MYO16: variants seen among roughly 807,000 people sequenced by gnomAD.
MYO16 encodes unconventional myosin-XVI.
MYO16 carries 94 observed loss-of-function variants against 205.3 expected under a neutral mutation model. That is an observed-to-expected ratio of 0.46 (90% CI 0.39 to 0.54). The LOEUF (loss-of-function observed/expected upper bound fraction) is 0.54, where lower values mean the gene tolerates loss of function less well. MYO16 is among the 20% of genes least tolerant of loss of function. MYO16 has a pLI of 0.00. For synonymous variants in MYO16, 988 were observed against 954.0 expected (o/e 1.04, Z -0.66); for missense variants, 2,315 against 2,387.5 (o/e 0.97, Z 0.63).
the MYO16 span, among the ~76,000 whole-genome samples, chr13:108,521,575 A>G: frequency 1.5e-4 from 23 of 152,220 alleles, no homozygotes; most frequent in African/African-American, 5.5e-4. Flanking sequence ...GTGCCTGCAT[A>G]CTACTTACTG....
intron 27 of MYO16, among the ~76,000 whole-genome samples, chr13:109,092,760 G>C (rs1888661379): frequency 6.6e-6 from 1 of 152,188 alleles, no homozygotes; most frequent in African/African-American, 2.4e-5. Flanking sequence ...TCTGAATCCT[G>C]TGGTGACTGC....
intron 12 of MYO16, among the ~76,000 whole-genome samples, chr13:108,877,245 C>T (rs1167703891): frequency 6.6e-6 from 1 of 152,154 alleles, no homozygotes; most frequent in Non-Finnish European, 1.5e-5. Flanking sequence ...GAACATGAAT[C>T]TTCAAATTTA....
At chr13:108,815,183 C>T (rs902581095) in intron 7 of MYO16, among the ~76,000 whole-genome samples, 2 of 152,128 alleles carry the variant, frequency 1.3e-5, no homozygotes, top group African/African-American at 2.4e-5. Flanking sequence ...AAGCCACACT[C>T]ATTGATATGC....
chr13:108,581,525 T>G, the MYO16 span, among the ~76,000 whole-genome samples: 5 of 152,102 alleles, frequency 3.3e-5, no homozygotes, highest in African/African-American at 1.2e-4. Context: ...TTCTCTTCAT[T>G]GTGGTTCCAT....
At chr13:109,065,160 C>T (rs1385198147) in intron 27 of MYO16, among the ~76,000 whole-genome samples, 1 of 152,190 alleles carries the variant, frequency 6.6e-6, no homozygotes, top group Non-Finnish European at 1.5e-5. Context: ...TTTTTACCCA[C>T]TGGGTCAAGT....
intron 34 of MYO16, among the ~76,000 whole-genome samples, chr13:109,185,502 G>T (rs1404944570): frequency 6.6e-6 from 1 of 152,124 alleles, no homozygotes; most frequent in Non-Finnish European, 1.5e-5. Context: ...CATTGTAGAT[G>T]CTATCCAAAA....
At chr13:108,903,406 G>A (rs1239705551) in intron 15 of MYO16, among the ~76,000 whole-genome samples, 1 of 152,020 alleles carries the variant, frequency 6.6e-6, no homozygotes, top group African/African-American at 2.4e-5. Flanking sequence ...GTCCACTGGG[G>A]ATCTTAGAAT....
At chr13:109,091,559 C>A (rs1888623974) in intron 27 of MYO16, among the ~76,000 whole-genome samples, 1 of 152,182 alleles carries the variant, frequency 6.6e-6, no homozygotes, top group African/African-American at 2.4e-5. Flanking sequence ...AATCCCACAG[C>A]CACCTCAGTG....
At chr13:108,968,930 C>A (rs758302917) in intron 20 of MYO16, among the ~76,000 whole-genome samples, 1 of 152,164 alleles carries the variant, frequency 6.6e-6, no homozygotes, top group Non-Finnish European at 1.5e-5. Flanking sequence ...CTTCCAGAAG[C>A]CAAGAGACTT....
At chr13:109,029,197 C>T (rs1886474266) in intron 23 of MYO16, among the ~76,000 whole-genome samples, 1 of 141,780 alleles carries the variant, frequency 7.1e-6, no homozygotes, top group Non-Finnish European at 1.5e-5. Flanking sequence ...TCACTGCAAC[C>T]TCCGCCTCCC....
At chr13:109,063,454 A>G (rs768505057) in intron 27 of MYO16, among the ~76,000 whole-genome samples, 3 of 152,184 alleles carry the variant, frequency 2.0e-5, no homozygotes, top group Non-Finnish European at 4.4e-5. Context: ...TGGATTGCCT[A>G]CAGCTGTGGA....
At chr13:108,992,110 C>T (rs9514952) in intron 20 of MYO16, among the ~76,000 whole-genome samples, 23,571 of 152,030 alleles carry the variant, frequency 0.16, 2,181 homozygotes, top group Non-Finnish European at 0.2. Context: ...TATCCAGCAT[C>T]TATAAGGAAC....
At chr13:108,677,366 T>C (rs1882274532) in intron 2 of MYO16, among the ~76,000 whole-genome samples, 2 of 146,996 alleles carry the variant, frequency 1.4e-5, no homozygotes, top group African/African-American at 2.5e-5. Flanking sequence ...CATATATATA[T>C]ATATATGCAT....
In MYO16 at chr13:109,127,144, C is replaced by A; in HGVS notation, c.3783-138C>A. 1 of 1,155,556 alleles carries A rather than the reference C, an allele frequency of 8.7e-7. No individual in the cohort carries two copies. Among genetic ancestry groups the A allele is most frequent in the Non-Finnish European group, 1.2e-6 (1 of 846,572 alleles). The allele number at this position is 1,155,556 out of a possible 1,614,324, so 71.6% of individuals were successfully genotyped here. On this transcript the variant is annotated intron_variant, in intron 30 of 34. Transcript: ENST00000457511. This position sits in a 1 kb window ranked among gnomAD's most constrained non-coding sequence, Gnocchi z 4.2. Reference sequence around the variant, plus strand: ...ACCAACTGGTCACCAGAGGGCTGCACACGTCCTCCAGCCACAGCAGGAAGG... The same window carrying A: ...ACCAACTGGTCACCAGAGGGCTGCAAACGTCCTCCAGCCACAGCAGGAAGG...
At chr13:108,821,662 T>C (rs1875977758) in intron 8 of MYO16, among the ~76,000 whole-genome samples, 1 of 152,142 alleles carries the variant, frequency 6.6e-6, no homozygotes, top group Non-Finnish European at 1.5e-5. Flanking sequence ...TGGACTCCCA[T>C]GGCATACTCT....
At chr13:108,763,243 A>C (rs925848253) in intron 4 of MYO16, among the ~76,000 whole-genome samples, 10 of 152,160 alleles carry the variant, frequency 6.6e-5, no homozygotes, top group African/African-American at 2.4e-4. Flanking sequence ...TAGTTCATGG[A>C]ATGGTATATA....
At chr13:108,812,510 G>C (rs1887325393) in intron 7 of MYO16, among the ~76,000 whole-genome samples, 2 of 151,966 alleles carry the variant, frequency 1.3e-5, no homozygotes, top group African/African-American at 4.8e-5. Context: ...AATCATCCTG[G>C]AGATTTCCAT....
chr13:108,714,042 G>GT (rs951211384), intron 3 of MYO16, among the ~76,000 whole-genome samples: 16 of 151,916 alleles, frequency 1.1e-4, no homozygotes, highest in Non-Finnish European at 1.3e-4. Flanking sequence ...TCGTAAGCCT[G>GT]TTTTTTTGTT....
chr13:108,824,939 C>A (rs1876173134), intron 9 of MYO16, among the ~76,000 whole-genome samples: 1 of 152,020 alleles, frequency 6.6e-6, no homozygotes, highest in Non-Finnish European at 1.5e-5. Flanking sequence ...CAGAGAAAAG[C>A]TAATATCCAC....
Sources: gnomAD v4.1 joint callset for allele counts (sites outside exome capture counted in the v4.1 genomes callset) on GRCh38, gnomAD v4.1.1 for gene constraint, Gnocchi (gnomAD v3.1) non-coding constraint, MANE v1.5 for transcripts, NCBI Gene and HGNC (gene_info 2026-07-23, HGNC 2026-07-21) for gene names.